Variants in CADPS observed in about 807,000 individuals in gnomAD.
The protein encoded by CADPS is calcium-dependent secretion activator 1.
Under a neutral mutation model 167.3 loss-of-function variants are expected in CADPS, and 57 were observed. The observed-to-expected ratio is 0.34, with a 90% confidence interval of 0.28 to 0.42. The LOEUF is 0.42. Ranked by LOEUF, CADPS falls within the 20% of genes least tolerant of loss-of-function variation. The pLI is 1.00. For missense variants in CADPS, 1,414 were observed against 1,738.1 expected (o/e 0.81, Z 3.32); for synonymous variants, 676 against 635.3 (o/e 1.06, Z -0.96).
chr3:62,851,932 C>G (rs1351021645), intron 1 of CADPS, among the ~76,000 whole-genome samples: 1 of 151,698 alleles, frequency 6.6e-6, no homozygotes, highest in Non-Finnish European at 1.5e-5. Flanking sequence ...TAGATTTGGT[C>G]TTTTCACATA....
At chr3:62,413,582 A>ATCT (rs2049398453) in intron 28 of CADPS, among the ~76,000 whole-genome samples, 5 of 152,322 alleles carry the variant, frequency 3.3e-5, no homozygotes, top group Admixed American at 1.3e-4. Context: ...GTCAGAAAGT[A>ATCT]GAACAGTGTT....
chr3:62,574,941 A>G (rs80196099), intron 8 of CADPS, among the ~76,000 whole-genome samples: 1 of 152,218 alleles, frequency 6.6e-6, no homozygotes, highest in Non-Finnish European at 1.5e-5. Flanking sequence ...TGTGAAAGGA[A>G]ATCTTGGACT....
chr3:62,469,858 G>T (rs1163406286), intron 24 of CADPS, among the ~76,000 whole-genome samples: 1 of 152,152 alleles, frequency 6.6e-6, no homozygotes, highest in East Asian at 1.9e-4. Flanking sequence ...ATTATATCCT[G>T]AGGGAACTAC....
chr3:62,650,755 G>A (rs939775352), intron 5 of CADPS, 92 bp downstream of exon 5: 10 of 871,408 alleles, frequency 1.1e-5, no homozygotes, highest in African/African-American at 3.3e-5. Flanking sequence ...CTCCTGGGGT[G>A]CAACAGAAAA....
chr3:62,489,209 G>A (rs1419418830), intron 21 of CADPS, among the ~76,000 whole-genome samples: 2 of 151,790 alleles, frequency 1.3e-5, no homozygotes, highest in Non-Finnish European at 2.9e-5. Flanking sequence ...CACCCAGGCT[G>A]GAGTGCAGTG....
chr3:62,820,219 C>A (rs2094835848), intron 1 of CADPS, among the ~76,000 whole-genome samples: 1 of 152,138 alleles, frequency 6.6e-6, no homozygotes, highest in African/African-American at 2.4e-5. Flanking sequence ...GTACACTGGG[C>A]TCAATCTGAA....
intron 4 of CADPS, 23 bp from the exon 5 acceptor site, chr3:62,651,103 T>C (rs750918916): frequency 7.9e-6 from 12 of 1,513,024 alleles, no homozygotes; most frequent in Non-Finnish European, 1.0e-5. Context: ...AAGAAAAGTA[T>C]GAGCAGAGGA....
At chr3:62,517,719 G>A (rs977600595) in intron 14 of CADPS, among the ~76,000 whole-genome samples, 3 of 152,084 alleles carry the variant, frequency 2.0e-5, no homozygotes, top group African/African-American at 7.2e-5. Flanking sequence ...CTGATGCAAG[G>A]TTCATTCTTT....
intron 3 of CADPS, among the ~76,000 whole-genome samples, chr3:62,672,251 G>A (rs1015761306): frequency 6.6e-6 from 1 of 152,116 alleles, no homozygotes; most frequent in Non-Finnish European, 1.5e-5. Context: ...GGCTTGAGGT[G>A]ACAACCAAGA....
At chr3:62,745,755 G>T (rs2081317050) in intron 3 of CADPS, among the ~76,000 whole-genome samples, 2 of 152,172 alleles carry the variant, frequency 1.3e-5, no homozygotes, top group Admixed American at 1.3e-4. Context: ...TAAGCTCCTT[G>T]AGGCCATAAC....
At chr3:62,761,342 G>T (rs1299208041) in intron 2 of CADPS, among the ~76,000 whole-genome samples, 1 of 151,700 alleles carries the variant, frequency 6.6e-6, no homozygotes, top group African/African-American at 2.4e-5. Flanking sequence ...TGACAAAAAT[G>T]AACTAGGCAT....
At chr3:62,808,489 A>G (rs948745505) in intron 1 of CADPS, among the ~76,000 whole-genome samples, 1 of 152,138 alleles carries the variant, frequency 6.6e-6, no homozygotes, top group Non-Finnish European at 1.5e-5. Flanking sequence ...ATTTGTCATC[A>G]TCATTCTTTA....
At chr3:62,807,859 T>C (rs2094181309) in intron 1 of CADPS, among the ~76,000 whole-genome samples, 1 of 150,046 alleles carries the variant, frequency 6.7e-6, no homozygotes, top group Admixed American at 6.6e-5. Flanking sequence ...ACCAACTTGG[T>C]ATTTCTTTTT....
At chr3:62,860,274 T>C (rs879814951) in intron 1 of CADPS, among the ~76,000 whole-genome samples, 2 of 152,190 alleles carry the variant, frequency 1.3e-5, no homozygotes, top group African/African-American at 4.8e-5. Context: ...CTGAAGCCTT[T>C]CAGATGATGT....
intron 10 of CADPS, 98 bp from the exon 11 acceptor site, chr3:62,550,213 G>C (rs2077102831): frequency 3.5e-6 from 3 of 860,572 alleles, no homozygotes; most frequent in Non-Finnish European, 3.8e-6. Context: ...CTTTTCCTTG[G>C]GACAGAAGAG....
chr3:62,471,700 C>T (rs1433708261), intron 24 of CADPS, among the ~76,000 whole-genome samples: 1 of 152,030 alleles, frequency 6.6e-6, no homozygotes, highest in Non-Finnish European at 1.5e-5. Context: ...CCTTCTGCAC[C>T]CTGGCCTAGC....
At chr3:62,748,375 T>TAAAAAAAAAAAAAAAA (rs2081998894) in intron 3 of CADPS, among the ~76,000 whole-genome samples, 1 of 89,518 alleles carries the variant, frequency 1.1e-5, no homozygotes, top group Non-Finnish European at 2.4e-5. Flanking sequence ...AAAAAAAAAT[T>TAAAAAAAAAAAAAAAA]AAGATGTAGA....
At chr3:62,720,043 T>A (rs190997151) in intron 3 of CADPS, among the ~76,000 whole-genome samples, 1 of 152,178 alleles carries the variant, frequency 6.6e-6, no homozygotes. Flanking sequence ...TGTCAACTGA[T>A]GATGGACACA....
At chr3:62,647,060 G>C (rs980743632) in intron 5 of CADPS, among the ~76,000 whole-genome samples, 7 of 152,142 alleles carry the variant, frequency 4.6e-5, no homozygotes, top group African/African-American at 1.7e-4. Context: ...AGAGACCGGG[G>C]AGGGAGAAGA....
Sources: gnomAD v4.1 joint callset for allele counts (sites outside exome capture counted in the v4.1 genomes callset) on GRCh38, gnomAD v4.1.1 for gene constraint, MANE v1.5 for transcripts, NCBI Gene and HGNC (gene_info 2026-07-23, HGNC 2026-07-21) for gene names.